The following SAMTOR variants were observed in gnomAD, a reference collection of about 807,000 sequenced individuals.
SAMTOR encodes the protein UPF0532 protein C7orf60.
the SAMTOR span, among the ~76,000 whole-genome samples, chr7:112,843,894 AC>A: frequency 1.3e-5 from 2 of 152,162 alleles, no homozygotes; most frequent in South Asian, 4.1e-4. Flanking sequence ...ATACTTGCAA[AC>A]CAAATCCAGC....
the SAMTOR span, among the ~76,000 whole-genome samples, chr7:112,906,307 A>C: frequency 6.6e-6 from 1 of 152,310 alleles, no homozygotes; most frequent in South Asian, 2.1e-4. Context: ...AGGTATAGTA[A>C]AAGTACAATA....
the SAMTOR span, among the ~76,000 whole-genome samples, chr7:112,826,421 C>A: frequency 6.6e-6 from 1 of 152,046 alleles, no homozygotes; most frequent in Admixed American, 6.5e-5. Flanking sequence ...AGGAATTGGT[C>A]CATTTGAATT....
the SAMTOR span, among the ~76,000 whole-genome samples, chr7:112,879,138 G>A: frequency 6.6e-6 from 1 of 150,868 alleles, no homozygotes; most frequent in South Asian, 2.1e-4. Flanking sequence ...AAATTAGCTC[G>A]CTTATGACAC....
chr7:112,835,334 T>G, the SAMTOR span, among the ~76,000 whole-genome samples: 2 of 152,132 alleles, frequency 1.3e-5, no homozygotes, highest in Admixed American at 1.3e-4. Context: ...TCCTTACCAC[T>G]CTGCTGAGGA....
At chr7:112,876,471 T>C in the SAMTOR span, among the ~76,000 whole-genome samples, 3 of 152,272 alleles carry the variant, frequency 2.0e-5, no homozygotes, top group East Asian at 5.8e-4. Flanking sequence ...CCCCACAATA[T>C]ATCTTCTACT....
At chr7:112,880,920 C>T in the SAMTOR span, among the ~76,000 whole-genome samples, 2 of 152,118 alleles carry the variant, frequency 1.3e-5, no homozygotes, top group South Asian at 2.1e-4. Context: ...GCTACACACT[C>T]CATGAAGCTG....
chr7:112,904,005 T>C, the SAMTOR span, among the ~76,000 whole-genome samples: 239 of 152,194 alleles, frequency 1.6e-3, 1 homozygote, highest in Non-Finnish European at 1.2e-3. Context: ...GGCATTCAAT[T>C]CACTTCAATT....
At chr7:112,829,111 A>G in the SAMTOR span, among the ~76,000 whole-genome samples, 1 of 152,102 alleles carries the variant, frequency 6.6e-6, no homozygotes, top group Admixed American at 6.5e-5. Flanking sequence ...GGGGATTCCA[A>G]TTATGCTTAT....
chr7:112,911,450 C>CA, the SAMTOR span, among the ~76,000 whole-genome samples: 2 of 151,530 alleles, frequency 1.3e-5, no homozygotes. Flanking sequence ...CCTTTCAGAG[C>CA]AAAAAAAGCA....
chr7:112,907,658 T>A, the SAMTOR span, among the ~76,000 whole-genome samples: 1 of 151,206 alleles, frequency 6.6e-6, no homozygotes, highest in Non-Finnish European at 1.5e-5. Flanking sequence ...CATGATCACA[T>A]AATTCACAGG....
At chr7:112,822,543 A>C in the SAMTOR span, among the ~76,000 whole-genome samples, 1 of 152,138 alleles carries the variant, frequency 6.6e-6, no homozygotes, top group Non-Finnish European at 1.5e-5. Flanking sequence ...CAACTTTTAC[A>C]AAAATCTCAA....
chr7:112,855,435 G>C, the SAMTOR span, among the ~76,000 whole-genome samples: 1 of 152,156 alleles, frequency 6.6e-6, no homozygotes, highest in Non-Finnish European at 1.5e-5. Context: ...AAACCAAGGT[G>C]TCAGCTGGTC....
At chr7:112,934,784 A>G in the SAMTOR span, among the ~76,000 whole-genome samples, 1 of 152,194 alleles carries the variant, frequency 6.6e-6, no homozygotes, top group Non-Finnish European at 1.5e-5. Context: ...ATTTTCCATT[A>G]AACAATCAAG....
At chr7:112,894,261 T>C in the SAMTOR span, among the ~76,000 whole-genome samples, 1 of 152,020 alleles carries the variant, frequency 6.6e-6, no homozygotes, top group African/African-American at 2.4e-5. Context: ...AGTTAGAACA[T>C]ACATGACATT....
the SAMTOR span, among the ~76,000 whole-genome samples, chr7:112,917,239 C>A: frequency 3.3e-4 from 50 of 152,306 alleles, no homozygotes; most frequent in Middle Eastern, 3.4e-3. Context: ...CGGCCGGGTA[C>A]TCCTCTGAGA....
chr7:112,937,090 A>G, the SAMTOR span, among the ~76,000 whole-genome samples: 1 of 152,218 alleles, frequency 6.6e-6, no homozygotes, highest in Admixed American at 6.5e-5. Context: ...CACCACTCTA[A>G]TATCTGGCTG....
chr7:112,832,761 T>A, the SAMTOR span: 1 of 838,082 alleles, frequency 1.2e-6, no homozygotes, highest in South Asian at 1.6e-5. Flanking sequence ...CTTTTTGGTC[T>A]CAGGACCCTT....
chr7:112,840,518 A>G, the SAMTOR span, among the ~76,000 whole-genome samples: 4 of 151,924 alleles, frequency 2.6e-5, no homozygotes, highest in Non-Finnish European at 2.9e-5. Context: ...TGAAAGTTAT[A>G]CTTCATTTTT....
the SAMTOR span, among the ~76,000 whole-genome samples, chr7:112,874,351 T>C: frequency 1.3e-5 from 2 of 152,094 alleles, no homozygotes; most frequent in Non-Finnish European, 2.9e-5. Context: ...CAGAATACTA[T>C]GCAGCCATAA....
Sources: gnomAD v4.1 joint callset for allele counts (sites outside exome capture counted in the v4.1 genomes callset) on GRCh38, gnomAD v4.1.1 for gene constraint, MANE v1.5 for transcripts, NCBI Gene and HGNC (gene_info 2026-07-23, HGNC 2026-07-21) for gene names.